Variants in RUNX2 observed in about 807,000 individuals in gnomAD.
The protein encoded by RUNX2 is RUNX family transcription factor 2.
RUNX2 carries 10 observed loss-of-function variants against 51.7 expected under a neutral mutation model. That is an observed-to-expected ratio of 0.19 (90% CI 0.12 to 0.33). The LOEUF (loss-of-function observed/expected upper bound fraction) is 0.33. Among genes scored for constraint, RUNX2 ranks in the 10% least tolerant of loss-of-function variants. The pLI is 1.00. For synonymous variants in RUNX2, 276 were observed against 273.6 expected (o/e 1.01, Z -0.09); for missense variants, 562 against 691.3 (o/e 0.81, Z 2.10).
intron 7 of RUNX2, among the ~76,000 whole-genome samples, chr6:45,527,372 A>C (rs1801702023): frequency 6.6e-6 from 1 of 152,136 alleles, no homozygotes; most frequent in Admixed American, 6.6e-5. Flanking sequence ...TTCAAAGCTC[A>C]CTCTGGCGGT....
intron 2 of RUNX2, among the ~76,000 whole-genome samples, chr6:45,379,149 T>G (rs560253655): frequency 6.6e-6 from 1 of 152,310 alleles, no homozygotes; most frequent in South Asian, 2.1e-4. Context: ...TTCTCTTTAA[T>G]CTCCCCAACG....
intron 2 of RUNX2, among the ~76,000 whole-genome samples, chr6:45,403,844 A>C (rs1170793491): frequency 6.6e-6 from 1 of 152,210 alleles, no homozygotes; most frequent in Non-Finnish European, 1.5e-5. Context: ...ACTATCAGAG[A>C]AATGGAGAAA....
intron 2 of RUNX2, among the ~76,000 whole-genome samples, chr6:45,411,872 C>T (rs1797957948): frequency 6.6e-6 from 1 of 151,944 alleles, no homozygotes; most frequent in Admixed American, 6.6e-5. Flanking sequence ...CCCACATTTC[C>T]AGTAATCCTG....
intron 2 of RUNX2, among the ~76,000 whole-genome samples, chr6:45,400,189 G>GGGAAGGAAGGAA (rs374999004): frequency 2.1e-5 from 3 of 141,360 alleles, no homozygotes; most frequent in Non-Finnish European, 4.6e-5. Context: ...GAGGGAATGA[G>GGGAAGGAAGGAA]GGAAGGAAGG....
At chr6:45,340,667 G>A (rs1789595116) in intron 2 of RUNX2, among the ~76,000 whole-genome samples, 1 of 151,940 alleles carries the variant, frequency 6.6e-6, no homozygotes, top group South Asian at 2.1e-4. Flanking sequence ...CAAGGAATTA[G>A]ATAATTCTTA....
intron 2 of RUNX2, among the ~76,000 whole-genome samples, chr6:45,398,985 G>A (rs562921765): frequency 2.0e-5 from 3 of 150,890 alleles, no homozygotes; most frequent in African/African-American, 7.4e-5. Flanking sequence ...GATGTTTGAA[G>A]CTTTTGTTTA....
intron 2 of RUNX2, among the ~76,000 whole-genome samples, chr6:45,382,441 A>G (rs1337235117): frequency 2.0e-5 from 3 of 152,226 alleles, no homozygotes; most frequent in Admixed American, 2.0e-4. Flanking sequence ...TCATTTTTAA[A>G]TTGGGCAGTT....
Position 45,493,821 on chromosome 6 carries a change from T to A in RUNX2, c.859+1707T>A, listed in dbSNP as rs554769632. 7.2e-5 allele frequency among the ~76,000 whole-genome samples: 11 copies of A among 152,158 alleles called. No individual in the cohort carries two copies. In the South Asian group the frequency reaches 2.1e-3, roughly 29 times the overall value. ...GTGTTTATATATGATTTGTAATGGATTTATGATGACTAATAAAATATATAT... is the reference window on the plus strand; with the variant it reads ...GTGTTTATATATGATTTGTAATGGAATTATGATGACTAATAAAATATATAT... On this transcript the variant is annotated intron_variant, in intron 6 of 8. Transcript: ENST00000647337.
At chr6:45,535,378 G>A (rs1801999208) in intron 7 of RUNX2, among the ~76,000 whole-genome samples, 1 of 152,184 alleles carries the variant, frequency 6.6e-6, no homozygotes, top group African/African-American at 2.4e-5. Context: ...GCCGAGGCGG[G>A]CAGATCACGA....
At chr6:45,361,967 C>G (rs916940897) in intron 2 of RUNX2, among the ~76,000 whole-genome samples, 1 of 152,160 alleles carries the variant, frequency 6.6e-6, no homozygotes, top group Non-Finnish European at 1.5e-5. Flanking sequence ...AGGAAAATCA[C>G]TTGAGGCCGG....
intron 2 of RUNX2, among the ~76,000 whole-genome samples, chr6:45,372,461 A>G (rs1942659702): frequency 6.6e-6 from 1 of 152,250 alleles, no homozygotes; most frequent in Non-Finnish European, 1.5e-5. Context: ...TAATATGAAT[A>G]AAGTGAAATA....
intron 2 of RUNX2, among the ~76,000 whole-genome samples, chr6:45,342,067 A>T (rs1428570807): frequency 8.3e-6 from 1 of 120,712 alleles, no homozygotes; most frequent in East Asian, 3.5e-4. Context: ...AGAAACTAAC[A>T]GAAGAATTTG....
chr6:45,339,270 G>C (rs748265660), intron 2 of RUNX2, among the ~76,000 whole-genome samples: 2 of 152,092 alleles, frequency 1.3e-5, no homozygotes, highest in Non-Finnish European at 2.9e-5. Context: ...GAATTACCTG[G>C]GGAGTAAGTC....
At chr6:45,521,844 C>G (rs555157794) in intron 7 of RUNX2, among the ~76,000 whole-genome samples, 2 of 152,322 alleles carry the variant, frequency 1.3e-5, no homozygotes, top group East Asian at 3.9e-4. Context: ...CCTCTCTTCT[C>G]AGGCTCTGGT....
intron 2 of RUNX2, among the ~76,000 whole-genome samples, chr6:45,367,828 C>T (rs1369080058): frequency 1.3e-5 from 2 of 152,158 alleles, no homozygotes; most frequent in Non-Finnish European, 2.9e-5. Context: ...CATGATCATC[C>T]TTTCACAGTC....
At chr6:45,501,842 A>G (rs1025244094) in intron 6 of RUNX2, among the ~76,000 whole-genome samples, 1 of 152,232 alleles carries the variant, frequency 6.6e-6, no homozygotes, top group Non-Finnish European at 1.5e-5. Flanking sequence ...GTGGGCTGCA[A>G]GCAAGTCAAC....
intron 7 of RUNX2, among the ~76,000 whole-genome samples, chr6:45,518,180 G>A (rs1280271281): frequency 6.6e-6 from 1 of 152,150 alleles, no homozygotes; most frequent in Admixed American, 6.5e-5. Flanking sequence ...GCAGCCACAG[G>A]CAAATAATTA....
intron 5 of RUNX2, among the ~76,000 whole-genome samples, chr6:45,484,162 C>T (rs766923641): frequency 6.6e-6 from 1 of 152,110 alleles, no homozygotes; most frequent in Non-Finnish European, 1.5e-5. Flanking sequence ...GGCTGCTACT[C>T]TGTTGTATTA....
At chr6:45,375,723 T>C (rs1394998734) in intron 2 of RUNX2, among the ~76,000 whole-genome samples, 2 of 152,180 alleles carry the variant, frequency 1.3e-5, no homozygotes, top group Admixed American at 1.3e-4. Flanking sequence ...GGCACCATTT[T>C]ACAGACATCA....
Sources: gnomAD v4.1 joint callset for allele counts (sites outside exome capture counted in the v4.1 genomes callset) on GRCh38, gnomAD v4.1.1 for gene constraint, MANE v1.5 for transcripts, NCBI Gene and HGNC (gene_info 2026-07-23, HGNC 2026-07-21) for gene names.